Variants in USP32 observed in about 807,000 individuals in gnomAD.
USP32 encodes the protein ubiquitin carboxyl-terminal hydrolase 32.
USP32 carries 59 observed loss-of-function variants against 204.8 expected under a neutral mutation model. The ratio of observed to expected loss-of-function variants is 0.29; its 90% CI spans 0.23 to 0.36. USP32 has a LOEUF of 0.36. USP32 is among the 10% of genes least tolerant of loss of function. USP32 has a pLI of 1.00. For missense variants in USP32, 1,160 were observed against 1,946.4 expected, an observed-to-expected ratio of 0.60 and a Z score of 7.60; for synonymous variants, 517 against 678.4, an observed-to-expected ratio of 0.76 and a Z score of 3.70.
chr17:60,227,067 T>A (rs2085412220), intron 12 of USP32, among the ~76,000 whole-genome samples: 1 of 151,002 alleles, frequency 6.6e-6, no homozygotes, highest in African/African-American at 2.4e-5. Context: ...AAAATCATAT[T>A]TTTTTCTTTC....
chr17:60,256,765 A>T (rs2145729202), intron 9 of USP32: 2 of 1,189,044 alleles, frequency 1.7e-6, no homozygotes, highest in Non-Finnish European at 2.1e-6. Context: ...CAATCTCCCA[A>T]ATCAAGTATA....
rs1189475680 is a variant in USP32, at chr17:60,417,235, CTTTTT to C, written c.106+5006_106+5010del. 7.2e-5 allele frequency among the ~76,000 whole-genome samples: 11 copies of C among 151,750 alleles called. 1 individual carries two copies. In the South Asian group the frequency reaches 2.1e-3, roughly 29 times the overall value. ...GCCCAGCAAATTTCTTTCTTTCTTT[CTTTTT>C]ATTTTAACTGTATTTTCTTCCAGTC... is the stretch of plus-strand genomic sequence containing the variant. On this transcript the variant is annotated intron_variant, in intron 1 of 3. Transcript: ENST00000588898.
At chr17:60,355,654 C>T (rs1169096426) in intron 1 of USP32, among the ~76,000 whole-genome samples, 5 of 151,654 alleles carry the variant, frequency 3.3e-5, no homozygotes, top group Non-Finnish European at 7.4e-5. Context: ...TAAGACCAGC[C>T]TGGGCAACAT....
chr17:60,345,782 G>C (rs912531161), intron 1 of USP32, among the ~76,000 whole-genome samples, 174 bp from the exon 2 acceptor site: 1 of 152,116 alleles, frequency 6.6e-6, no homozygotes, highest in South Asian at 2.1e-4. Context: ...AGGAGTTCAA[G>C]ATCAGCCTGG....
chr17:60,306,086 G>GA (rs111858139), intron 2 of USP32, among the ~76,000 whole-genome samples: 8,440 of 147,852 alleles, frequency 0.057, 810 homozygotes, highest in African/African-American at 0.2. Context: ...CACTCAAAAA[G>GA]AAAAAAAAAG....
At chr17:60,198,471 A>C in intron 26 of USP32, 27 bp from the exon 27 acceptor site, 1 of 1,608,096 alleles carries the variant, frequency 6.2e-7, no homozygotes, top group Non-Finnish European at 8.5e-7. Context: ...GAGAATAGAG[A>C]GTTCAGAAGA....
chr17:60,309,304 A>G (rs952448999), intron 2 of USP32, among the ~76,000 whole-genome samples: 3 of 152,112 alleles, frequency 2.0e-5, no homozygotes, highest in African/African-American at 7.2e-5. Flanking sequence ...AAAACAAAAC[A>G]AAAACAAACC....
chr17:60,366,281 C>A (rs183985432), intron 1 of USP32, among the ~76,000 whole-genome samples: 2 of 152,146 alleles, frequency 1.3e-5, no homozygotes, highest in African/African-American at 4.8e-5. Context: ...GCCTCAGCCT[C>A]CCAAGTAGCT....
chr17:60,316,611 CA>C (rs1448884813), intron 2 of USP32, among the ~76,000 whole-genome samples: 2 of 151,998 alleles, frequency 1.3e-5, no homozygotes, highest in Non-Finnish European at 2.9e-5. Context: ...GAGGCTGAGA[CA>C]GGGGGAGCAC....
intron 27 of USP32, among the ~76,000 whole-genome samples, chr17:60,195,099 G>A (rs2145424555): frequency 6.6e-6 from 1 of 152,312 alleles, no homozygotes; most frequent in South Asian, 2.1e-4. Flanking sequence ...AGAATCAGGT[G>A]AGAGCTACCA....
intron 11 of USP32, among the ~76,000 whole-genome samples, chr17:60,242,139 G>A (rs918928249): frequency 6.6e-6 from 1 of 152,082 alleles, no homozygotes; most frequent in Non-Finnish European, 1.5e-5. Flanking sequence ...ACAGAATCTT[G>A]CTATGTTGTA....
At chr17:60,189,302 T>G (rs1029373765) in intron 29 of USP32, among the ~76,000 whole-genome samples, 2 of 152,176 alleles carry the variant, frequency 1.3e-5, no homozygotes, top group African/African-American at 4.8e-5. Context: ...TATTTTGGGA[T>G]CTAAATAAGA....
intron 2 of USP32, among the ~76,000 whole-genome samples, chr17:60,319,937 T>C (rs1324511664): frequency 1.3e-5 from 2 of 152,166 alleles, no homozygotes; most frequent in Non-Finnish European, 2.9e-5. Flanking sequence ...TTTAAGGGAC[T>C]TGAGCATTTG....
intron 1 of USP32, among the ~76,000 whole-genome samples, chr17:60,353,197 G>GT (rs540552813): frequency 6.6e-6 from 1 of 152,190 alleles, no homozygotes; most frequent in South Asian, 2.1e-4. Context: ...GACACCAAAG[G>GT]GCTCAAGCGC....
intron 12 of USP32, among the ~76,000 whole-genome samples, chr17:60,231,017 A>G (rs1386106003): frequency 6.6e-6 from 1 of 152,172 alleles, no homozygotes; most frequent in Non-Finnish European, 1.5e-5. Context: ...TTTTCAGAAG[A>G]TAGATTTCTA....
intron 2 of USP32, among the ~76,000 whole-genome samples, chr17:60,324,792 C>T (rs1043835400): frequency 6.6e-6 from 1 of 152,108 alleles, no homozygotes; most frequent in African/African-American, 2.4e-5. Flanking sequence ...TATCTGAGGT[C>T]GGGAGTTCGA....
chr17:60,243,927 A>G (rs2085942355), intron 11 of USP32, among the ~76,000 whole-genome samples: 1 of 152,038 alleles, frequency 6.6e-6, no homozygotes, highest in Non-Finnish European at 1.5e-5. Context: ...TCTTAACAGT[A>G]AAGTGATTTT....
chr17:60,391,521 A>G (rs1392048850), intron 1 of USP32, among the ~76,000 whole-genome samples: 3 of 152,112 alleles, frequency 2.0e-5, no homozygotes, highest in Non-Finnish European at 4.4e-5. Context: ...TGAAGGAATG[A>G]TAGGAGAAAA....
At chr17:60,295,184 C>T (rs993349176) in intron 3 of USP32, among the ~76,000 whole-genome samples, 3 of 151,584 alleles carry the variant, frequency 2.0e-5, no homozygotes, top group African/African-American at 7.3e-5. Context: ...AACTCTGAAA[C>T]CTGCGTACAA....
Sources: allele counts gnomAD v4.1 joint callset (sites outside exome capture counted in the v4.1 genomes callset), GRCh38; gene constraint gnomAD v4.1.1; transcripts MANE v1.5; gene names NCBI Gene and HGNC (gene_info 2026-07-23, HGNC 2026-07-21).